KIF2A: variants seen among roughly 807,000 people sequenced by gnomAD.
KIF2A encodes kinesin family member 2A.
Under a neutral mutation model 100.2 loss-of-function variants are expected in KIF2A, and 22 were observed. The observed-to-expected ratio is 0.22, with a 90% CI of 0.16 to 0.31. The LOEUF (loss-of-function observed/expected upper bound fraction) is 0.31, where lower values mean the gene tolerates loss of function less well. Among genes scored for constraint, KIF2A ranks in the 10% least tolerant of loss-of-function variants. The pLI is 1.00. For missense variants in KIF2A, 495 were observed against 898.7 expected (o/e 0.55, Z 5.74); for synonymous variants, 268 against 285.9 (o/e 0.94, Z 0.63).
intron 1 of KIF2A, among the ~76,000 whole-genome samples, chr5:62,330,768 G>A (rs1433714445): frequency 2.0e-5 from 3 of 152,106 alleles, no homozygotes; most frequent in Non-Finnish European, 4.4e-5. Flanking sequence ...GAAAATGGAA[G>A]GGGTTGCTAG....
Position 62,352,654 on chromosome 5 carries a change from G to A in KIF2A, c.401G>A (p.Gly134Asp). ...PEQSSSAQQN[G>D]SVSDISPVQA... Reference sequence around the variant, plus strand: ...CAGTCTTCCTCTGCACAACAGAATGGTAGTGTTTCAGATATATCTCCAGTT... The same window carrying A: ...CAGTCTTCCTCTGCACAACAGAATGATAGTGTTTCAGATATATCTCCAGTT... The change falls in exon 5 of 21, where the codon GGT (glycine) becomes GAT (aspartate). Residue 134 changes from glycine (G) to aspartate (D), a missense_variant. Gly to Asp is a moderately conservative substitution (Grantham distance 94). This residue lies in a region of KIF2A where 115 missense variants were observed against 143.6 expected (regional missense o/e 0.80). Coordinates refer to ENST00000407818, the MANE Select transcript of KIF2A (RefSeq NM_001098511.3). 1 of 1,610,258 alleles carries A rather than the reference G, an allele frequency of 6.2e-7. No individual in the cohort carries two copies. The highest frequency in any genetic ancestry group is 8.5e-7 in the Non-Finnish European group (1 of 1,177,790).
intron 19 of KIF2A, 85 bp downstream of exon 19, chr5:62,377,847 C>A (rs533272498): frequency 1.3e-6 from 1 of 748,772 alleles, no homozygotes; most frequent in South Asian, 2.2e-5. Flanking sequence ...CACACTATTC[C>A]TTAAAAAATA....
intron 1 of KIF2A, among the ~76,000 whole-genome samples, chr5:62,335,192 T>G (rs1746876681): frequency 6.6e-6 from 1 of 152,186 alleles, no homozygotes; most frequent in African/African-American, 2.4e-5. Context: ...GCAGCAACCC[T>G]GGCTGGAGTG....
intron 1 of KIF2A, among the ~76,000 whole-genome samples, chr5:62,345,646 TAAAAG>T (rs1747527563): frequency 6.6e-6 from 1 of 152,070 alleles, no homozygotes; most frequent in Non-Finnish European, 1.5e-5. Flanking sequence ...GAAAATAAAA[TAAAAG>T]GCAGTGATAG....
At chr5:62,332,192 C>T (rs927714431) in intron 1 of KIF2A, among the ~76,000 whole-genome samples, 1 of 152,112 alleles carries the variant, frequency 6.6e-6, no homozygotes, top group Non-Finnish European at 1.5e-5. Context: ...TTTGACAGCT[C>T]AATGAATATA....
At chr5:62,368,148 C>T (rs995676941) in intron 16 of KIF2A, among the ~76,000 whole-genome samples, 3 of 152,054 alleles carry the variant, frequency 2.0e-5, no homozygotes, top group Non-Finnish European at 4.4e-5. Flanking sequence ...TTATTGGCCC[C>T]CCAAAAGGTT....
Position 62,358,463 on chromosome 5 carries a change from A to G in KIF2A, c.872+164A>G, listed in dbSNP as rs148444568. On this transcript the variant is annotated intron_variant, in intron 9 of 20. Coordinates refer to ENST00000407818, the MANE Select transcript of KIF2A (RefSeq NM_001098511.3). ...AATAAATGCTGTAATGAATATTAAC[A>G]CTTGTTCTCTGTAATGCTCCCCAAA... 3.2e-4 allele frequency among the ~76,000 whole-genome samples: 48 copies of G among 152,258 alleles called. No individual in the cohort carries two copies. In the East Asian group the frequency reaches 9.3e-3, roughly 29 times the overall value.
intron 1 of KIF2A, among the ~76,000 whole-genome samples, chr5:62,316,906 G>T (rs550899845): frequency 6.6e-6 from 1 of 152,138 alleles, no homozygotes; most frequent in Admixed American, 6.5e-5. Context: ...TTATGAATGA[G>T]GATTAGTCAT....
intron 1 of KIF2A, among the ~76,000 whole-genome samples, chr5:62,309,868 C>T (rs1455229402): frequency 6.6e-6 from 1 of 152,134 alleles, no homozygotes; most frequent in Non-Finnish European, 1.5e-5. Context: ...TCACTGATTA[C>T]TAAAACCAGA....
chr5:62,383,028 G>C (rs1382180126), intron 20 of KIF2A, among the ~76,000 whole-genome samples: 1 of 150,228 alleles, frequency 6.7e-6, no homozygotes, highest in African/African-American at 2.5e-5. Context: ...CCAGGTTCAA[G>C]CAATTCTTCT....
intron 1 of KIF2A, among the ~76,000 whole-genome samples, chr5:62,340,504 A>G (rs1481364385): frequency 6.6e-6 from 1 of 152,164 alleles, no homozygotes; most frequent in Non-Finnish European, 1.5e-5. Flanking sequence ...TTTTCTAGGG[A>G]AAGATATTTC....
intron 14 of KIF2A, 27 bp downstream of exon 14, chr5:62,363,926 A>G (rs1740928692): frequency 6.5e-7 from 1 of 1,538,622 alleles, no homozygotes; most frequent in Admixed American, 2.0e-5. Flanking sequence ...TTATCATGAA[A>G]GGTCTTTTAC....
Position 62,306,369 on chromosome 5 carries a change from C to A in KIF2A, c.-104C>A. Reference sequence around the variant, plus strand: ...ACGCTGTCGCCCGGGCCGGCGCGGCCGCGGGCAACCGCTCCCCCTCCCACA... The same window carrying A: ...ACGCTGTCGCCCGGGCCGGCGCGGCAGCGGGCAACCGCTCCCCCTCCCACA... On this transcript the variant is annotated 5_prime_UTR_variant, in exon 1 of 21. Coordinates refer to ENST00000407818, the MANE Select transcript of KIF2A (RefSeq NM_001098511.3). 1.0e-6 allele frequency: 1 copy of A among 953,048 alleles called. No homozygotes were observed. Among genetic ancestry groups the A allele is most frequent in the South Asian group, 1.5e-5 (1 of 65,466 alleles). 59.0% of individuals were successfully genotyped at this position (953,048 alleles called of 1,614,324 possible). A position where few individuals can be genotyped will look rare whatever the true frequency, so the allele number is the denominator to read the frequency against.
At position 62,352,714 on chromosome 5, in the gene KIF2A, T is replaced by C; in HGVS notation, c.457+4T>C. 6.2e-7 allele frequency: 1 copy of C among 1,608,582 alleles called. No individual in the cohort carries two copies. Among genetic ancestry groups the C allele is most frequent in the African/African-American group, 1.3e-5 (1 of 74,764 alleles). On this transcript the variant is annotated splice_donor_region_variant and intron_variant, in intron 5 of 20. Transcript: ENST00000407818. The stretch of plus-strand genomic sequence containing the variant: ...AAAAAGGAATTTGGACCCCCTTGTA[T>C]GTAAATTATGTATCAAGGATTTAGT...
intron 6 of KIF2A, among the ~76,000 whole-genome samples, chr5:62,354,944 A>G (rs954691951): frequency 6.6e-6 from 1 of 152,152 alleles, no homozygotes; most frequent in Non-Finnish European, 1.5e-5. Context: ...CATACCGACT[A>G]AGAGAATTGT....
At chr5:62,338,722 G>T (rs1220252178) in intron 1 of KIF2A, among the ~76,000 whole-genome samples, 2 of 152,034 alleles carry the variant, frequency 1.3e-5, no homozygotes, top group East Asian at 3.8e-4. Flanking sequence ...TTAGAATTAA[G>T]AATTTAAATG....
At chr5:62,314,648 G>A (rs1174004996) in intron 1 of KIF2A, among the ~76,000 whole-genome samples, 1 of 151,622 alleles carries the variant, frequency 6.6e-6, no homozygotes, top group African/African-American at 2.4e-5. Flanking sequence ...GGTTTTTGTA[G>A]GTTTTGGCAT....
rs1160017616 is a variant in KIF2A at position 62,387,679 on chromosome 5, A to T, written c.*2110A>T. 1 of 152,192 alleles carries T rather than the reference A, an allele frequency of 6.6e-6. No individual in the cohort carries two copies. Among genetic ancestry groups the T allele is most frequent in the African/African-American group, 2.4e-5 (1 of 41,460 alleles). The allele number at this position is 152,192 out of a possible 1,614,324, so 9.4% of individuals were successfully genotyped here. A position where few individuals can be genotyped will look rare whatever the true frequency, so the allele number is the denominator to read the frequency against. On this transcript the variant is annotated 3_prime_UTR_variant, in exon 21 of 21. Transcript: ENST00000407818. ...TGAGAAAGCCGAGTTAAATCTTAAA[A>T]TTTTTACTATAAGGATAGAGATGAT...
intron 1 of KIF2A, among the ~76,000 whole-genome samples, chr5:62,342,816 G>A (rs1280973996): frequency 2.0e-5 from 3 of 150,686 alleles, no homozygotes; most frequent in African/African-American, 4.9e-5. Context: ...GCAGTGGAGC[G>A]ATCTTGGTTC....
Sources: gnomAD v4.1 joint callset for allele counts (sites outside exome capture counted in the v4.1 genomes callset) on GRCh38, gnomAD v4.1.1 for gene constraint, gnomAD v4.1.1 regional missense constraint, MANE v1.5 for transcripts, NCBI Gene and HGNC (gene_info 2026-07-23, HGNC 2026-07-21) for gene names.